Variants in PAFAH1B1 observed in about 807,000 individuals in gnomAD.
PAFAH1B1 encodes the protein platelet-activating factor acetylhydrolase IB subunit beta.
Under a neutral mutation model 57.5 loss-of-function variants are expected in PAFAH1B1, and 2 were observed. The observed-to-expected ratio is 0.03, with a 90% CI of 0.01 to 0.11. PAFAH1B1 has a LOEUF of 0.11. PAFAH1B1 is among the 10% of genes least tolerant of loss of function. PAFAH1B1 has a pLI of 1.00. For missense variants in PAFAH1B1, 257 were observed against 512.0 expected (o/e 0.50, Z 4.81); for synonymous variants, 152 against 169.6 (o/e 0.90, Z 0.81).
intron 2 of PAFAH1B1, among the ~76,000 whole-genome samples, chr17:2,647,459 C>T (rs1429190424): frequency 6.6e-6 from 1 of 152,020 alleles, no homozygotes; most frequent in African/African-American, 2.4e-5. Flanking sequence ...ATCACTTGAA[C>T]CTGAGAGGCA....
intron 1 of PAFAH1B1, among the ~76,000 whole-genome samples, chr17:2,598,469 G>T (rs1260943496): frequency 6.6e-6 from 1 of 151,884 alleles, no homozygotes; most frequent in Non-Finnish European, 1.5e-5. Context: ...CTAAGTCCCT[G>T]TTAACGAAAA....
At chr17:2,664,644 ATATATC>A (rs1160824208) in intron 2 of PAFAH1B1, among the ~76,000 whole-genome samples, 1 of 142,142 alleles carries the variant, frequency 7.0e-6, no homozygotes, top group Non-Finnish European at 1.6e-5. Flanking sequence ...ACTTTGTGAT[ATATATC>A]TATATCTATC....
In PAFAH1B1 at chr17:2,665,481, A is replaced by G. The variant is rs373524248; in HGVS notation, c.117+25A>G. The G allele has an allele frequency of 3.9e-6, 5 of 1,294,792 alleles. No individual in the cohort carries two copies. In the African/African-American group the frequency reaches 7.3e-5, roughly 19 times the overall value. 80.2% of individuals were successfully genotyped at this position (1,294,792 alleles called of 1,614,324 possible). ...GGTATGTTTTACTTTTTACAATTCAAAGTATAGTTAATGAGTGGATTTTCA... is the reference window on the plus strand; with the variant it reads ...GGTATGTTTTACTTTTTACAATTCAGAGTATAGTTAATGAGTGGATTTTCA... On this transcript the variant is annotated intron_variant, in intron 3 of 10. Transcript: ENST00000397195.
upstream of PAFAH1B1, among the ~76,000 whole-genome samples, chr17:2,593,590 G>GGGCGGCGGCGGCGGCGGCGGC (rs552674446): frequency 9.1e-4 from 135 of 148,772 alleles, no homozygotes; most frequent in South Asian, 2.8e-3. Context: ...GGCGGGTCTG[G>GGGCGGCGGCGGCGGCGGCGGC]GGCGGCGGCG....
chr17:2,611,427 C>T (rs2068265509), intron 1 of PAFAH1B1, among the ~76,000 whole-genome samples: 1 of 150,926 alleles, frequency 6.6e-6, no homozygotes, highest in East Asian at 2.0e-4. Context: ...GAGATCACGC[C>T]ATTGCACTCC....
intron 4 of PAFAH1B1, 152 bp from the exon 5 acceptor site, chr17:2,666,840 T>G (rs2069112194): frequency 1.6e-6 from 1 of 616,602 alleles, no homozygotes; most frequent in East Asian, 2.8e-5. Context: ...AAATAAATAA[T>G]TTTCATTTAA....
chr17:2,594,531 C>G (rs969239274), intron 1 of PAFAH1B1, among the ~76,000 whole-genome samples: 8 of 152,214 alleles, frequency 5.3e-5, no homozygotes, highest in African/African-American at 1.9e-4. Context: ...ACTCATAGGG[C>G]CTTCCAGGCA....
At chr17:2,596,319 A>G (rs992946220) in intron 1 of PAFAH1B1, among the ~76,000 whole-genome samples, 13 of 152,234 alleles carry the variant, frequency 8.5e-5, no homozygotes, top group African/African-American at 3.1e-4. Flanking sequence ...GAATACTGCA[A>G]TAATCTAAGA....
At chr17:2,672,517 C>T in intron 6 of PAFAH1B1, 138 bp from the exon 7 acceptor site, 1 of 662,128 alleles carries the variant, frequency 1.5e-6, no homozygotes, top group Non-Finnish European at 2.7e-6. Flanking sequence ...GGTTTCTTAT[C>T]CAATTTGTAT....
intron 1 of PAFAH1B1, among the ~76,000 whole-genome samples, chr17:2,609,724 C>T (rs1047580365): frequency 6.6e-6 from 1 of 151,728 alleles, no homozygotes; most frequent in Non-Finnish European, 1.5e-5. Flanking sequence ...GTTGGCCAGG[C>T]TGGTCTCGAA....
At chr17:2,652,719 A>G (rs1192142181) in intron 2 of PAFAH1B1, among the ~76,000 whole-genome samples, 5 of 152,188 alleles carry the variant, frequency 3.3e-5, no homozygotes, top group Non-Finnish European at 5.9e-5. Flanking sequence ...TTAGATGCCA[A>G]ATAGTTCTAG....
chr17:2,633,008 C>T (rs2068573832), intron 1 of PAFAH1B1, among the ~76,000 whole-genome samples: 2 of 152,160 alleles, frequency 1.3e-5, no homozygotes, highest in Admixed American at 1.3e-4. Flanking sequence ...TCCATCACTA[C>T]ACCAATATAA....
intron 1 of PAFAH1B1, among the ~76,000 whole-genome samples, chr17:2,595,151 T>C (rs1350817584): frequency 6.6e-6 from 1 of 151,568 alleles, no homozygotes; most frequent in Non-Finnish European, 1.5e-5. Context: ...CATGCCAAGG[T>C]CCCCCCTCCC....
rs2069458033 is a variant in PAFAH1B1, at chr17:2,685,284, T to C, written c.*3482T>C. ...GCTTGTACTGTCCATCCTTCAGGCATCCCTAAAGCTCACTCTGAAGATGTT... is the reference window on the plus strand; with the variant it reads ...GCTTGTACTGTCCATCCTTCAGGCACCCCTAAAGCTCACTCTGAAGATGTT... On this transcript the variant is annotated 3_prime_UTR_variant, in exon 11 of 11. Transcript: ENST00000397195. 6.6e-6 allele frequency: 1 copy of C among 152,640 alleles called. No homozygotes were observed. Among genetic ancestry groups the C allele is most frequent in the Non-Finnish European group, 1.5e-5 (1 of 68,050 alleles). The allele number at this position is 152,640 out of a possible 1,614,324, so 9.5% of individuals were successfully genotyped here.
chr17:2,665,675 C>T (rs1241921392), intron 3 of PAFAH1B1, among the ~76,000 whole-genome samples: 3 of 151,874 alleles, frequency 2.0e-5, no homozygotes, highest in East Asian at 1.9e-4. Context: ...GATCTCGGCT[C>T]ACTGCAACCT....
chr17:2,598,319 G>A (rs1015932861), intron 1 of PAFAH1B1, among the ~76,000 whole-genome samples: 2 of 152,238 alleles, frequency 1.3e-5, no homozygotes, highest in African/African-American at 4.8e-5. Flanking sequence ...TATTAGGGCA[G>A]AGTGAATTTT....
rs2069402833 is a variant in PAFAH1B1, at chr17:2,682,757, A to T, written c.*955A>T. The T allele has an allele frequency of 6.5e-6, 1 of 152,716 alleles. No homozygotes were observed. Among genetic ancestry groups the T allele is most frequent in the African/African-American group, 2.4e-5 (1 of 41,428 alleles). 9.5% of individuals were successfully genotyped at this position (152,716 alleles called of 1,614,324 possible). ...AGGTTCTGTGTGCCCATTTGAAAGG[A>T]GTGGGAGGAATACAGCAGTTTGTTT... On this transcript the variant is annotated 3_prime_UTR_variant, in exon 11 of 11. Coordinates refer to ENST00000397195, the MANE Select transcript of PAFAH1B1 (RefSeq NM_000430.4).
At chr17:2,660,761 A>G (rs1673827597) in intron 2 of PAFAH1B1, among the ~76,000 whole-genome samples, 1 of 152,244 alleles carries the variant, frequency 6.6e-6, no homozygotes. Flanking sequence ...CTTTGGGTAT[A>G]TACCCAGTAA....
rs562104056 is a variant in PAFAH1B1, at chr17:2,677,211, T to G, written c.1002+605T>G. On this transcript the variant is annotated intron_variant, in intron 9 of 10. Transcript: ENST00000397195. ...TCTTACGGAGAAAAAGCAGCATTCT[T>G]AGAGACCTGTTCACTGTTGAAGATG... is the stretch of plus-strand genomic sequence containing the variant. Among the ~76,000 whole-genome samples the G allele has an allele frequency of 3.9e-5, 6 of 152,330 alleles. No individual in the cohort carries two copies. In the East Asian group the frequency reaches 9.6e-4, roughly 24 times the overall value.
Sources: allele counts gnomAD v4.1 joint callset (sites outside exome capture counted in the v4.1 genomes callset), GRCh38; gene constraint gnomAD v4.1.1; transcripts MANE v1.5; gene names NCBI Gene and HGNC (gene_info 2026-07-23, HGNC 2026-07-21).